Variants in NR1D2 observed in about 807,000 individuals in gnomAD.
NR1D2 encodes the protein nuclear receptor subfamily 1 group D member 2.
In NR1D2, 25 loss-of-function variants were observed where a neutral mutation model predicts 52.2. The observed-to-expected ratio is 0.48, with a 90% CI of 0.35 to 0.67. The LOEUF (loss-of-function observed/expected upper bound fraction) is 0.67. Among genes scored for constraint, NR1D2 ranks in the 30% least tolerant of loss-of-function variants. The pLI is 0.01. For missense variants in NR1D2, 681 were observed against 707.2 expected, an observed-to-expected ratio of 0.96 and a Z score of 0.42; for synonymous variants, 259 against 230.1, an observed-to-expected ratio of 1.13 and a Z score of -1.14.
At chr3:23,966,552 C>A (rs776145642) in intron 6 of NR1D2, among the ~76,000 whole-genome samples, 2 of 152,238 alleles carry the variant, frequency 1.3e-5, no homozygotes, top group Non-Finnish European at 2.9e-5. Context: ...TAAAGAGATT[C>A]TTTAATGCCT....
At chr3:23,974,763 G>A (rs886732062) in intron 7 of NR1D2, among the ~76,000 whole-genome samples, 1 of 151,652 alleles carries the variant, frequency 6.6e-6, no homozygotes, top group African/African-American at 2.4e-5. Flanking sequence ...GTCTCTGCCA[G>A]TAGTTTTGTC....
intron 5 of NR1D2, chr3:23,963,163 T>G: frequency 8.5e-6 from 6 of 709,420 alleles, no homozygotes; most frequent in Non-Finnish European, 1.1e-5. Context: ...GATGACTTAA[T>G]GTTGGTCATA....
intron 7 of NR1D2, among the ~76,000 whole-genome samples, chr3:23,974,720 T>C (rs1706679187): frequency 6.6e-6 from 1 of 152,146 alleles, no homozygotes; most frequent in South Asian, 2.1e-4. Context: ...AGATAATTTA[T>C]GATTGACCAA....
chr3:23,952,582 C>T (rs993280066), intron 1 of NR1D2, among the ~76,000 whole-genome samples: 4 of 151,734 alleles, frequency 2.6e-5, no homozygotes, highest in African/African-American at 4.8e-5. Context: ...AAAAATTAAC[C>T]AGGCGTGGTG....
chr3:23,974,689 C>T (rs1235783013), intron 7 of NR1D2, among the ~76,000 whole-genome samples: 1 of 152,014 alleles, frequency 6.6e-6, no homozygotes, highest in Non-Finnish European at 1.5e-5. Flanking sequence ...CAAATCATTA[C>T]TGAAGGCTTT....
chr3:23,971,148 T>C (rs940200386), intron 7 of NR1D2, among the ~76,000 whole-genome samples: 4 of 152,084 alleles, frequency 2.6e-5, no homozygotes, highest in Non-Finnish European at 5.9e-5. Context: ...ATTCAAACGC[T>C]ACAGAAGAGT....
At position 23,962,573 on chromosome 3, in the gene NR1D2, T is replaced by TA; in HGVS notation, c.1115dup (p.Tyr372Ter). The TA allele has an allele frequency of 6.2e-7, 1 of 1,611,224 alleles. No individual in the cohort carries two copies. The highest frequency in any genetic ancestry group is 8.5e-7 in the Non-Finnish European group (1 of 1,177,794). Residue 372 changes from tyrosine to a stop codon, truncating the protein, a stop_gained and frameshift_variant, in exon 5 of 8, where the codon TAC (tyrosine) becomes TAAC (stop). Coordinates refer to ENST00000312521, the MANE Select transcript of NR1D2 (RefSeq NM_005126.5). LOFTEE classifies it high-confidence loss of function. ...GFSQNENKNS[Y>*]LCNTGGRMHL... ...TTCTCAGAATGAGAACAAGAATAGT[T>TA]ACCTGTGCAACACTGGAGGAAGAAT...
rs1341743105 is a variant in NR1D2 at position 23,980,374 on chromosome 3, T to C, written c.*2955T>C. The stretch of plus-strand genomic sequence containing the variant: ...TGGGGGAGGGGATCTGTTAGGAAAC[T>C]GTTACCTATAAACAAAGATTGACTG... On this transcript the variant is annotated 3_prime_UTR_variant, in exon 8 of 8. Coordinates refer to ENST00000312521, the MANE Select transcript of NR1D2 (RefSeq NM_005126.5). 1 of 152,116 alleles carries C rather than the reference T, an allele frequency of 6.6e-6. No individual in the cohort carries two copies. Among genetic ancestry groups the C allele is most frequent in the Non-Finnish European group, 1.5e-5 (1 of 67,986 alleles). 9.4% of individuals were successfully genotyped at this position (152,116 alleles called of 1,614,324 possible). A position where few individuals can be genotyped will look rare whatever the true frequency, so the allele number is the denominator to read the frequency against.
At position 23,945,471 on chromosome 3, in the gene NR1D2, G is replaced by C; in HGVS notation, c.-108G>C. On this transcript the variant is annotated 5_prime_UTR_variant, in exon 1 of 8. Coordinates refer to ENST00000312521, the MANE Select transcript of NR1D2 (RefSeq NM_005126.5). ...CCCGCTCTGCCCATGAGGGGGCCCC[G>C]CGACCACCGCTGCTTCCAGCCCGGG... is the stretch of plus-strand genomic sequence containing the variant. The C allele has an allele frequency of 1.6e-6, 1 of 624,958 alleles. No individual in the cohort carries two copies. Among genetic ancestry groups the C allele is most frequent in the Non-Finnish European group, 2.1e-6 (1 of 483,836 alleles). The allele number at this position is 624,958 out of a possible 1,614,324, so 38.7% of individuals were successfully genotyped here.
chr3:23,949,806 C>A (rs73036780), intron 1 of NR1D2, among the ~76,000 whole-genome samples: 11,790 of 152,258 alleles, frequency 0.077, 703 homozygotes, highest in African/African-American at 0.17. Flanking sequence ...TGAAGTCAAA[C>A]ATAATCTCCA....
rs1386123475 is a variant in NR1D2 at position 23,979,073 on chromosome 3, T to TA, written c.*1655dup. On this transcript the variant is annotated 3_prime_UTR_variant, in exon 8 of 8. Coordinates refer to ENST00000312521, the MANE Select transcript of NR1D2 (RefSeq NM_005126.5). ...GCCCGCTTTACTGTACTAAGCCTGTTACTTTCATGACGTGTGAGCAGAATG... is the reference window on the plus strand; with the variant it reads ...GCCCGCTTTACTGTACTAAGCCTGTTAACTTTCATGACGTGTGAGCAGAATG... 1.3e-5 allele frequency: 2 copies of TA among 152,264 alleles called. No homozygotes were observed. Among genetic ancestry groups the TA allele is most frequent in the East Asian group, 3.9e-4 (2 of 5,194 alleles). The allele number at this position is 152,264 out of a possible 1,614,324, so 9.4% of individuals were successfully genotyped here. A position where few individuals can be genotyped will look rare whatever the true frequency, so the allele number is the denominator to read the frequency against.
At chr3:23,946,597 A>C (rs1705724970) in intron 1 of NR1D2, 1 of 152,272 alleles carries the variant, frequency 6.6e-6, no homozygotes, top group Admixed American at 6.5e-5. Flanking sequence ...GTTTTCCAGT[A>C]AACGGGTCAC....
At chr3:23,955,033 C>T (rs1295472001) in intron 2 of NR1D2, among the ~76,000 whole-genome samples, 1 of 152,206 alleles carries the variant, frequency 6.6e-6, no homozygotes, top group Non-Finnish European at 1.5e-5. Context: ...TGTACTCTGC[C>T]TGACCCTGGT....
At chr3:23,959,597 G>A (rs553024644) in intron 3 of NR1D2, 74 bp from the exon 4 acceptor site, 33 of 1,412,710 alleles carry the variant, frequency 2.3e-5, no homozygotes, top group South Asian at 5.2e-5. Context: ...CACTAGATAG[G>A]TATGGGAGCA....
intron 6 of NR1D2, among the ~76,000 whole-genome samples, chr3:23,967,096 T>C (rs1469362814): frequency 1.3e-5 from 2 of 152,092 alleles, no homozygotes; most frequent in Non-Finnish European, 2.9e-5. Context: ...GAAGCCGAGA[T>C]GGGTGGATCA....
At position 23,954,771 on chromosome 3, in the gene NR1D2, C is replaced by T. The variant is rs752250438; in HGVS notation, c.251C>T (p.Pro84Leu). The T allele has an allele frequency of 5.6e-6, 9 of 1,613,982 alleles. No individual in the cohort carries two copies. The African/African-American group carries it at 9.3e-5, about 17-fold the overall frequency. The change falls in exon 2 of 8, where the codon CCT becomes CTT. Residue 84 changes from proline to leucine, a missense_variant. Pro to Leu is a moderately conservative substitution (Grantham distance 98). Around this residue, in one of 3 missense-constraint regions of NR1D2, gnomAD observed 112 missense variants for 162.3 expected, o/e 0.69. Coordinates refer to ENST00000312521, the MANE Select transcript of NR1D2 (RefSeq NM_005126.5). ...CSMKTSKSSA[P>L]GMTKSHSGVT... ...ATGAAAACAAGCAAATCGAGTGCACCTGGGATGACAAAAAGTCATAGTGGT... is the reference window on the plus strand; with the variant it reads ...ATGAAAACAAGCAAATCGAGTGCACTTGGGATGACAAAAAGTCATAGTGGT...
chr3:23,962,248 TA>T lies in NR1D2; in HGVS notation c.790del (p.Thr264ProfsTer33). On this transcript the variant is annotated frameshift_variant, in exon 5 of 8. Transcript: ENST00000312521. LOFTEE classifies it high-confidence loss of function. ...GCATGGTGACCAGAGCTCACAAGGA[TA>T]CCTTTATGTATAATCAAGAGCAGCA... ...IGMVTRAHKD[T>X]FMYNQEQQEN... 1 of 1,614,214 alleles carries T rather than the reference TA, an allele frequency of 6.2e-7. No individual in the cohort carries two copies. Among genetic ancestry groups the T allele is most frequent in the Non-Finnish European group, 8.5e-7 (1 of 1,180,044 alleles).
Position 23,977,612 on chromosome 3 carries a change from C to G in NR1D2, c.*193C>G, listed in dbSNP as rs1405876815. The G allele has an allele frequency of 1.2e-5, 5 of 409,086 alleles. No individual in the cohort carries two copies. In the East Asian group the frequency reaches 1.8e-4, roughly 15 times the overall value. The allele number at this position is 409,086 out of a possible 1,614,324, so 25.3% of individuals were successfully genotyped here. On this transcript the variant is annotated 3_prime_UTR_variant, in exon 8 of 8. Transcript: ENST00000312521. ...AGCCATGATTAGACGTTGACTGCAT[C>G]TCCCTGATAGACCAATCAGCTGTGT...
At chr3:23,956,292 AAT>A (rs953865366) in intron 3 of NR1D2, among the ~76,000 whole-genome samples, 167 bp downstream of exon 3, 1 of 152,248 alleles carries the variant, frequency 6.6e-6, no homozygotes, top group African/African-American at 2.4e-5. Context: ...TGTTTTGAAT[AAT>A]ATTCTTAATT....
Sources: gnomAD v4.1 joint callset for allele counts (sites outside exome capture counted in the v4.1 genomes callset) on GRCh38, gnomAD v4.1.1 for gene constraint, gnomAD v4.1.1 regional missense constraint, MANE v1.5 for transcripts, NCBI Gene and HGNC (gene_info 2026-07-23, HGNC 2026-07-21) for gene names.